VEGFB: variants seen among roughly 807,000 people sequenced by gnomAD.
The protein encoded by VEGFB is vascular endothelial growth factor B, also known as VEGF-related factor.
VEGFB carries 24 observed loss-of-function variants against 22.5 expected under a neutral mutation model. The observed-to-expected ratio is 1.07, with a 90% confidence interval of 0.77 to 1.50. The LOEUF (loss-of-function observed/expected upper bound fraction) is 1.50, where lower values mean the gene tolerates loss of function less well. Ranked by LOEUF, VEGFB falls within the 40% of genes most tolerant of loss-of-function variation. The pLI is 0.00. For synonymous variants in VEGFB, 141 were observed against 117.4 expected, an observed-to-expected ratio of 1.20 and a Z score of -1.30; for missense variants, 327 against 287.8, an observed-to-expected ratio of 1.14 and a Z score of -0.99.
chr11:64,237,088 AGAGAGAGAGAGAGAG>A, intron 4 of VEGFB, 84 bp from the exon 5 acceptor site: 1 of 38,580 alleles, frequency 2.6e-5, no homozygotes, highest in Admixed American at 4.3e-4. Flanking sequence ...AGTCTCAAAG[AGAGAGAGAGAGAGAG>A]AGAGAGAGAG....
chr11:64,239,258 C>A lies in VEGFB; in HGVS notation c.*925C>A, dbSNP rs985213077. ...TAGAAAAGAACACTTGTTCTTCCTGCCAGGCAGCGCTTTCAGCATCTGCTG... is the reference window on the plus strand; with the variant it reads ...TAGAAAAGAACACTTGTTCTTCCTGACAGGCAGCGCTTTCAGCATCTGCTG... On this transcript the variant is annotated 3_prime_UTR_variant, in exon 7 of 7. Coordinates refer to ENST00000309422, the MANE Select transcript of VEGFB (RefSeq NM_003377.5). Among the ~76,000 whole-genome samples, 2 of 152,198 alleles carry A rather than the reference C, an allele frequency of 1.3e-5. No individual in the cohort carries two copies. The highest frequency in any genetic ancestry group is 6.5e-5 in the Admixed American group (1 of 15,282).
intron 4 of VEGFB, among the ~76,000 whole-genome samples, chr11:64,236,972 A>C (rs1243687174): frequency 6.8e-6 from 1 of 147,752 alleles, no homozygotes; most frequent in African/African-American, 2.5e-5. Context: ...AATCCCAGCT[A>C]CTTGGGAGGC....
In VEGFB at chr11:64,236,345, C is replaced by T. The variant is rs575979361; in HGVS notation, c.374+18C>T. The T allele has an allele frequency of 6.2e-6, 10 of 1,612,916 alleles. No homozygotes were observed. In the East Asian group the frequency reaches 1.8e-4, roughly 29 times the overall value. Reference sequence around the variant, plus strand: ...GAATGCAGGTGCCAGCCAGGCCCAACTTCTGAGCTCGCAGAGGCCAGGCTT... The same window carrying T: ...GAATGCAGGTGCCAGCCAGGCCCAATTTCTGAGCTCGCAGAGGCCAGGCTT... On this transcript the variant is annotated intron_variant, in intron 4 of 6. Transcript: ENST00000309422.
rs761608775 is a variant in VEGFB at position 64,237,610 on chromosome 11, TC to T, written c.603del (p.Val202LeufsTer31). 1.9e-6 allele frequency: 3 copies of T among 1,580,398 alleles called. No individual in the cohort carries two copies. In the South Asian group the frequency reaches 3.4e-5, roughly 18 times the overall value. On this transcript the variant is annotated frameshift_variant, in exon 6 of 7. Coordinates refer to ENST00000309422, the MANE Select transcript of VEGFB (RefSeq NM_003377.5). LOFTEE classifies it high-confidence loss of function. Reference sequence around the variant, plus strand: ...TGCCGCTGCCGACGCCGCAGCTTCCTCCGTTGCCAAGGGCGGGGCTTAGAGC... The same window carrying T: ...TGCCGCTGCCGACGCCGCAGCTTCCTCGTTGCCAAGGGCGGGGCTTAGAGC... ...AAAAADAAASSVAKGGA is the reference protein window; with the variant it reads ...AAAAADAAASXVAKGGA
At chr11:64,237,814 T>C in intron 6 of VEGFB, 159 bp downstream of exon 6, 1 of 672,620 alleles carries the variant, frequency 1.5e-6, no homozygotes, top group Non-Finnish European at 2.4e-6. Context: ...CACCTGGAGC[T>C]GTATAAGCAA....
chr11:64,235,406 G>A, intron 1 of VEGFB, 52 bp from the exon 2 acceptor site: 1 of 1,573,732 alleles, frequency 6.4e-7, no homozygotes, highest in Non-Finnish European at 8.7e-7. Flanking sequence ...ACGGTGACAG[G>A]GCCACACCCT....
At position 64,238,629 on chromosome 11, in the gene VEGFB, A is replaced by G. The variant is rs1410701950; in HGVS notation, c.*296A>G. The G allele has an allele frequency of 3.4e-6, 2 of 579,832 alleles. No individual in the cohort carries two copies. Among genetic ancestry groups the G allele is most frequent in the African/African-American group, 1.9e-5 (1 of 53,462 alleles). 35.9% of individuals were successfully genotyped at this position (579,832 alleles called of 1,614,324 possible). A position where few individuals can be genotyped will look rare whatever the true frequency, so the allele number is the denominator to read the frequency against. On this transcript the variant is annotated 3_prime_UTR_variant, in exon 7 of 7. Transcript: ENST00000309422. The stretch of plus-strand genomic sequence containing the variant: ...GGGGTCACATACCAGCTCAGGGGAG[A>G]ATGGAGTACTGTCTCAGTTTCTAAC...
Position 64,234,906 on chromosome 11 carries a change from C to G in VEGFB, c.60+13C>G. ...GGCCCCCGCCCAGGTACGTGCGGCC[C>G]GACAGCGCGCCCGCCCGCCCGCCGT... On this transcript the variant is annotated intron_variant, in intron 1 of 6. Transcript: ENST00000309422. This position sits in a 1 kb window ranked among gnomAD's most constrained non-coding sequence, Gnocchi z 5.3. 4.7e-6 allele frequency: 6 copies of G among 1,278,076 alleles called. No individual in the cohort carries two copies. The highest frequency in any genetic ancestry group is 5.9e-6 in the Non-Finnish European group (6 of 1,013,210). 79.2% of individuals were successfully genotyped at this position (1,278,076 alleles called of 1,614,324 possible).
rs2030198018 is a variant in VEGFB at position 64,237,557 on chromosome 11, C to T, written c.548C>T (p.Thr183Ile). 1 of 1,602,450 alleles carries T rather than the reference C, an allele frequency of 6.2e-7. No homozygotes were observed. Among genetic ancestry groups the T allele is most frequent in the Non-Finnish European group, 8.5e-7 (1 of 1,177,462 alleles). ...GPSAHAAPST[T>I]SALTPGPAAA... ...TCTGCCCACGCTGCACCCAGCACCA[C>T]CAGCGCCCTGACCCCCGGACCTGCC... The change falls in exon 6 of 7, where the codon ACC (threonine) becomes ATC (isoleucine). Residue 183 changes from threonine to isoleucine, a missense_variant. Physicochemically the swap from Thr to Ile is moderately conservative, Grantham distance 89. Coordinates refer to ENST00000309422, the MANE Select transcript of VEGFB (RefSeq NM_003377.5).
intron 4 of VEGFB, among the ~76,000 whole-genome samples, 166 bp downstream of exon 4, chr11:64,236,493 A>T (rs1591080062): frequency 6.6e-6 from 1 of 151,576 alleles, no homozygotes; most frequent in Admixed American, 6.6e-5. Flanking sequence ...AGGCGGGCGG[A>T]TCATGAGGTC....
In VEGFB at chr11:64,238,449, C is replaced by G; in HGVS notation, c.*116C>G. 1 of 1,530,076 alleles carries G rather than the reference C, an allele frequency of 6.5e-7. No homozygotes were observed. Among genetic ancestry groups the G allele is most frequent in the Non-Finnish European group, 8.8e-7 (1 of 1,141,724 alleles). 94.8% of individuals were successfully genotyped at this position (1,530,076 alleles called of 1,614,324 possible). A position where few individuals can be genotyped will look rare whatever the true frequency, so the allele number is the denominator to read the frequency against. ...ATCCCAGTGGGGGAACAAAGAGGAGCCTGGTAAAAAACAGCCAAGCCCCCA... is the reference window on the plus strand; with the variant it reads ...ATCCCAGTGGGGGAACAAAGAGGAGGCTGGTAAAAAACAGCCAAGCCCCCA... On this transcript the variant is annotated 3_prime_UTR_variant, in exon 7 of 7. Coordinates refer to ENST00000309422, the MANE Select transcript of VEGFB (RefSeq NM_003377.5).
intron 4 of VEGFB, among the ~76,000 whole-genome samples, 171 bp downstream of exon 4, chr11:64,236,498 G>C (rs1445707429): frequency 6.7e-6 from 1 of 149,480 alleles, no homozygotes; most frequent in Non-Finnish European, 1.5e-5. Context: ...GGCGGATCAT[G>C]AGGTCAGGAG....
chr11:64,235,034 C>G, intron 1 of VEGFB, 141 bp downstream of exon 1: 1 of 653,562 alleles, frequency 1.5e-6, no homozygotes, highest in Non-Finnish European at 2.1e-6. Flanking sequence ...GGGCCCGGCG[C>G]GTGCATCCCC....
chr11:64,237,548 C>A lies in VEGFB; in HGVS notation c.539C>A (p.Pro180His), dbSNP rs973936594. Residue 180 changes from proline (P) to histidine (H), a missense_variant, in exon 6 of 7, where the codon CCC becomes CAC. Coordinates refer to ENST00000309422, the MANE Select transcript of VEGFB (RefSeq NM_003377.5). Reference protein sequence around the residue: ...PAPGPSAHAAPSTTSALTPGP... With the variant: ...PAPGPSAHAAHSTTSALTPGP... ...CCAGGCCCCTCTGCCCACGCTGCAC[C>A]CAGCACCACCAGCGCCCTGACCCCC... The A allele has an allele frequency of 1.9e-6, 3 of 1,605,540 alleles. No individual in the cohort carries two copies. The African/African-American group carries it at 4.0e-5, about 21-fold the overall frequency.
At chr11:64,235,717 G>C in intron 2 of VEGFB, 96 bp from the exon 3 acceptor site, 1 of 1,464,496 alleles carries the variant, frequency 6.8e-7, no homozygotes, top group East Asian at 2.3e-5. Context: ...GAGGGCTAGT[G>C]GAGGGTGGCT....
intron 2 of VEGFB, 62 bp from the exon 3 acceptor site, chr11:64,235,751 A>G (rs1591079102): frequency 6.3e-7 from 1 of 1,590,942 alleles, no homozygotes; most frequent in Admixed American, 1.7e-5. Flanking sequence ...TGGGGAGGAC[A>G]GATGCTGGGA....
rs1429331054 is a variant in VEGFB, at chr11:64,234,590, CCCGCCGCCGCTGCCCG to C, written c.-238_-223del. 6.9e-6 allele frequency: 1 copy of C among 145,382 alleles called. No homozygotes were observed. Among genetic ancestry groups the C allele is most frequent in the Non-Finnish European group, 1.5e-5 (1 of 65,228 alleles). The allele number at this position is 145,382 out of a possible 1,614,324, so 9.0% of individuals were successfully genotyped here. On this transcript the variant is annotated 5_prime_UTR_variant, in exon 1 of 7. Coordinates refer to ENST00000309422, the MANE Select transcript of VEGFB (RefSeq NM_003377.5). This position sits in a 1 kb window ranked among gnomAD's most constrained non-coding sequence, Gnocchi z 5.3. ...CCAGCCCCCCGCCGCCCCCGCCGTC[CCCGCCGCCGCTGCCCG>C]CCGCCACCGGCCGCCCGCCCGCCCG...
rs1193097002 is a variant in VEGFB at position 64,237,491 on chromosome 11, C to T, written c.482C>T (p.Ser161Phe). ...TGGGACTCTGCCCCCGGAGCACCCTCCCCAGCTGACATCACCCATCCCACT... is the reference window on the plus strand; with the variant it reads ...TGGGACTCTGCCCCCGGAGCACCCTTCCCAGCTGACATCACCCATCCCACT... ...PGWDSAPGAP[S>F]PADITHPTPA... The change falls in exon 6 of 7, where the codon TCC becomes TTC. Residue 161 changes from serine to phenylalanine, a missense_variant. Ser to Phe is a radical substitution (Grantham distance 155). Coordinates refer to ENST00000309422, the MANE Select transcript of VEGFB (RefSeq NM_003377.5). 1.2e-6 allele frequency: 2 copies of T among 1,612,360 alleles called. No homozygotes were observed. The highest frequency in any genetic ancestry group is 2.2e-5 in the South Asian group (2 of 91,048).
chr11:64,238,742 G>A lies in VEGFB; in HGVS notation c.*409G>A, dbSNP rs1294794576. The A allele has an allele frequency of 1.9e-5, 6 of 312,514 alleles. No homozygotes were observed. The highest frequency in any genetic ancestry group is 3.7e-5 in the Non-Finnish European group (6 of 162,934). 19.4% of individuals were successfully genotyped at this position (312,514 alleles called of 1,614,324 possible). On this transcript the variant is annotated 3_prime_UTR_variant, in exon 7 of 7. Transcript: ENST00000309422. Reference sequence around the variant, plus strand: ...CTCTGCATAATGGGATTTGGGCTTTGGTACAAGAACTGTGACCCCCAACCC... The same window carrying A: ...CTCTGCATAATGGGATTTGGGCTTTAGTACAAGAACTGTGACCCCCAACCC...
Sources: allele counts gnomAD v4.1 joint callset (sites outside exome capture counted in the v4.1 genomes callset), GRCh38; gene constraint gnomAD v4.1.1; non-coding constraint Gnocchi (gnomAD v3.1); transcripts MANE v1.5; gene names NCBI Gene and HGNC (gene_info 2026-07-23, HGNC 2026-07-21).